SPIRE1: variants seen among roughly 807,000 people sequenced by gnomAD.
SPIRE1 encodes protein spire homolog 1.
In SPIRE1, 40 loss-of-function variants were observed where a neutral mutation model predicts 94.1. The ratio of observed to expected loss-of-function variants is 0.43; its 90% confidence interval spans 0.33 to 0.55. The LOEUF is 0.55. Ranked by LOEUF, SPIRE1 falls within the 20% of genes least tolerant of loss-of-function variation. The probability of loss-of-function intolerance (pLI) is 0.06; values close to 1 mark genes in which losing one functional copy is unlikely to be tolerated. For synonymous variants in SPIRE1, 376 were observed against 371.7 expected, an observed-to-expected ratio of 1.01 and a Z score of -0.13; for missense variants, 838 against 975.2, an observed-to-expected ratio of 0.86 and a Z score of 1.87.
At chr18:12,581,468 T>C (rs2036254424) in intron 2 of SPIRE1, among the ~76,000 whole-genome samples, 1 of 151,898 alleles carries the variant, frequency 6.6e-6, no homozygotes, top group Admixed American at 6.6e-5. Context: ...GATGAAAATT[T>C]AAAAAGTAAA....
Position 12,485,400 on chromosome 18 carries a change from C to T in SPIRE1, c.1231+559G>A, listed in dbSNP as rs757412370. Among the ~76,000 whole-genome samples the T allele has an allele frequency of 6.1e-4, 93 of 152,104 alleles. 1 individual carries two copies. The highest frequency in any genetic ancestry group is 9.7e-4 in the Non-Finnish European group (66 of 68,028). ...GATTACAGGCGTGAGCCACCGCGCC[C>T]GGCCTGTATTTTTATACTCTTAATC... On this transcript the variant is annotated intron_variant, in intron 9 of 16. Transcript: ENST00000409402.
chr18:12,540,985 C>A (rs954972986), intron 3 of SPIRE1, among the ~76,000 whole-genome samples: 7 of 152,204 alleles, frequency 4.6e-5, no homozygotes, highest in Admixed American at 2.6e-4. Flanking sequence ...CTTGGCCTCC[C>A]AAAGTGCTGG....
In SPIRE1 at chr18:12,465,292, T is replaced by C. The variant is rs9953587; in HGVS notation, c.1405-334A>G. 2.6e-3 allele frequency among the ~76,000 whole-genome samples: 394 copies of C among 152,162 alleles called. 4 individuals are homozygous for C. Among genetic ancestry groups the C allele is most frequent in the African/African-American group, 9.2e-3 (381 of 41,488 alleles). On this transcript the variant is annotated intron_variant, in intron 10 of 16. Coordinates refer to ENST00000409402, the MANE Select transcript of SPIRE1 (RefSeq NM_001128626.2). Reference sequence around the variant, plus strand: ...TCTGGGCCCAAGTGATCCTCCCACCTCAGACTCCAGTAGCCAGGATCACAG... The same window carrying C: ...TCTGGGCCCAAGTGATCCTCCCACCCCAGACTCCAGTAGCCAGGATCACAG...
intron 2 of SPIRE1, among the ~76,000 whole-genome samples, chr18:12,586,392 G>C (rs554577361): frequency 6.6e-6 from 1 of 152,086 alleles, no homozygotes; most frequent in African/African-American, 2.4e-5. Flanking sequence ...CTCTACATTC[G>C]TTCTTTTGCC....
At chr18:12,450,366 CA>C (rs958567395) in intron 16 of SPIRE1, 42 of 335,506 alleles carry the variant, frequency 1.3e-4, no homozygotes, top group African/African-American at 8.0e-4. Context: ...TCTCAAAAAA[CA>C]AAAAAAGAAA....
chr18:12,549,438 T>TG (rs2035275629), intron 2 of SPIRE1, among the ~76,000 whole-genome samples: 3 of 123,288 alleles, frequency 2.4e-5, no homozygotes, highest in Non-Finnish European at 5.2e-5. Flanking sequence ...TTGTTATTGT[T>TG]GTTTTTTTTT....
At chr18:12,587,632 G>C (rs1287512061) in intron 2 of SPIRE1, among the ~76,000 whole-genome samples, 1 of 151,932 alleles carries the variant, frequency 6.6e-6, no homozygotes, top group Non-Finnish European at 1.5e-5. Context: ...GGGAGGATCT[G>C]GTACTCCACA....
chr18:12,512,631 A>ATCTCCTTCACTGGTACTT, intron 4 of SPIRE1, 100 bp from the exon 5 acceptor site: 3 of 726,096 alleles, frequency 4.1e-6, no homozygotes, highest in Non-Finnish European at 7.0e-6. Context: ...TTCAAGTACC[A>ATCTCCTTCACTGGTACTT]GTGAAGGAGA....
chr18:12,543,407 A>G (rs1456289753), intron 3 of SPIRE1, among the ~76,000 whole-genome samples: 1 of 152,168 alleles, frequency 6.6e-6, no homozygotes. Context: ...TGCCTAGCTG[A>G]TATTTTACCT....
chr18:12,575,178 T>C (rs1013698790), intron 2 of SPIRE1, among the ~76,000 whole-genome samples: 1 of 151,944 alleles, frequency 6.6e-6, no homozygotes, highest in African/African-American at 2.4e-5. Flanking sequence ...AAGTTGAAGA[T>C]GATGGAAAGA....
Position 12,479,843 on chromosome 18 carries a change from A to ATTC in SPIRE1, c.1257_1259dup (p.Lys419dup). On this transcript the variant is annotated inframe_insertion, in exon 10 of 17. Transcript: ENST00000409402. Reference sequence around the variant, plus strand: ...CATTCACCATAGATGACTCCACAAGATTCTTTGTAGATTCAGGGGTAGTCA... The same window carrying ATTC: ...CATTCACCATAGATGACTCCACAAGATTCTTCTTTGTAGATTCAGGGGTAGTCA... 1 of 1,613,918 alleles carries ATTC rather than the reference A, an allele frequency of 6.2e-7. No homozygotes were observed. Among genetic ancestry groups the ATTC allele is most frequent in the Non-Finnish European group, 8.5e-7 (1 of 1,179,942 alleles).
intron 7 of SPIRE1, 52 bp downstream of exon 7, chr18:12,495,964 G>A (rs1283084035): frequency 8.6e-6 from 12 of 1,398,362 alleles, no homozygotes; most frequent in Non-Finnish European, 1.2e-5. Context: ...CCCTAGAGTA[G>A]AATAATTCAT....
At chr18:12,486,023 T>C in intron 8 of SPIRE1, 23 bp from the exon 9 acceptor site, 1 of 1,510,716 alleles carries the variant, frequency 6.6e-7, no homozygotes, top group South Asian at 1.3e-5. Context: ...AAACAAACAA[T>C]AAAAAGAAAA....
chr18:12,490,615 G>T (rs2033199470), intron 8 of SPIRE1, among the ~76,000 whole-genome samples: 1 of 152,148 alleles, frequency 6.6e-6, no homozygotes, highest in African/African-American at 2.4e-5. Flanking sequence ...TCATCCCTGG[G>T]ATGCAAGGAC....
intron 2 of SPIRE1, among the ~76,000 whole-genome samples, chr18:12,579,370 G>C (rs1469930082): frequency 1.3e-5 from 2 of 152,136 alleles, no homozygotes; most frequent in African/African-American, 4.8e-5. Context: ...TATGCTAAGT[G>C]TAAGAAGCTA....
chr18:12,521,911 C>G (rs1192781714), intron 4 of SPIRE1, among the ~76,000 whole-genome samples: 1 of 152,188 alleles, frequency 6.6e-6, no homozygotes, highest in Non-Finnish European at 1.5e-5. Flanking sequence ...GACTGCTCCG[C>G]TCACTAGCCA....
chr18:12,658,295 C>T (rs1473802233), upstream of SPIRE1: 1 of 444,686 alleles, frequency 2.2e-6, no homozygotes, highest in Non-Finnish European at 4.4e-6. Context: ...GGCGGTGACG[C>T]CCGGTCGGGG....
intron 2 of SPIRE1, among the ~76,000 whole-genome samples, chr18:12,581,440 A>T (rs1419808638): frequency 6.8e-6 from 1 of 147,804 alleles, no homozygotes; most frequent in East Asian, 2.0e-4. Context: ...AGGTTAAAAA[A>T]AATAACCAAG....
chr18:12,492,129 T>A (rs142154441), intron 8 of SPIRE1, among the ~76,000 whole-genome samples: 1 of 152,042 alleles, frequency 6.6e-6, no homozygotes, highest in Non-Finnish European at 1.5e-5. Context: ...AGCTGGAAGG[T>A]AGTCAGAAAC....
Sources: gnomAD v4.1 joint callset for allele counts (sites outside exome capture counted in the v4.1 genomes callset) on GRCh38, gnomAD v4.1.1 for gene constraint, MANE v1.5 for transcripts, NCBI Gene and HGNC (gene_info 2026-07-23, HGNC 2026-07-21) for gene names.